The following ALOX5AP variants were observed in gnomAD, a reference collection of about 807,000 sequenced individuals.
ALOX5AP encodes arachidonate 5-lipoxygenase activating protein, also known as arachidonate 5-lipoxygenase-activating protein.
ALOX5AP carries 9 observed loss-of-function variants against 18.5 expected under a neutral mutation model. That is an observed-to-expected ratio of 0.49 (90% CI 0.29 to 0.85). The LOEUF is 0.85. Among genes scored for constraint, ALOX5AP ranks in the 40% least tolerant of loss-of-function variants. ALOX5AP has a pLI of 0.08. For missense variants in ALOX5AP, 172 were observed against 202.5 expected (o/e 0.85, Z 0.91); for synonymous variants, 81 against 78.6 (o/e 1.03, Z -0.16).
chr13:30,718,883 A>C (rs1951571154), intron 1 of ALOX5AP, among the ~76,000 whole-genome samples: 1 of 152,242 alleles, frequency 6.6e-6, no homozygotes, highest in African/African-American at 2.4e-5. Context: ...GAATGTGGGC[A>C]CATGCCTTAC....
intron 4 of ALOX5AP, 70 bp from the exon 5 acceptor site, chr13:30,763,874 A>G: frequency 6.9e-7 from 1 of 1,447,192 alleles, no homozygotes; most frequent in Non-Finnish European, 9.5e-7. Flanking sequence ...AAAAGGGGTA[A>G]CATTTTTGTG....
At chr13:30,750,376 T>G (rs1440204091) in intron 2 of ALOX5AP, among the ~76,000 whole-genome samples, 1 of 152,244 alleles carries the variant, frequency 6.6e-6, no homozygotes, top group Non-Finnish European at 1.5e-5. Context: ...TTTCCCTCCC[T>G]TTTTATGCCT....
At chr13:30,753,218 C>T (rs1272289320) in intron 3 of ALOX5AP, among the ~76,000 whole-genome samples, 49 of 152,316 alleles carry the variant, frequency 3.2e-4, no homozygotes, top group South Asian at 6.2e-4. Flanking sequence ...GGTGAGGCGG[C>T]AGCAGAAACC....
At chr13:30,738,424 C>T (rs1191418593) in intron 1 of ALOX5AP, among the ~76,000 whole-genome samples, 2 of 152,198 alleles carry the variant, frequency 1.3e-5, no homozygotes, top group African/African-American at 4.8e-5. Flanking sequence ...CAAATGGGCT[C>T]ATTGGCCAAT....
intron 2 of ALOX5AP, among the ~76,000 whole-genome samples, chr13:30,751,063 G>T (rs1420286964): frequency 6.6e-6 from 1 of 152,058 alleles, no homozygotes; most frequent in Non-Finnish European, 1.5e-5. Flanking sequence ...CATAGTAAAA[G>T]GGTGTTTTTT....
At position 30,764,169 on chromosome 13, in the gene ALOX5AP, AGCTCTTGAGAGCATTCT is replaced by A; in HGVS notation, c.*70_*86del. The stretch of plus-strand genomic sequence containing the variant: ...CAATACCTACAAGTCATCATAATTC[AGCTCTTGAGAGCATTCT>A]GCTCTTCTTTAGATGGCTGTAAATC... On this transcript the variant is annotated 3_prime_UTR_variant, in exon 5 of 5. Transcript: ENST00000380490. The A allele has an allele frequency of 6.6e-7, 1 of 1,507,828 alleles. No homozygotes were observed. The highest frequency in any genetic ancestry group is 2.3e-5 in the East Asian group (1 of 43,244). 93.4% of individuals were successfully genotyped at this position (1,507,828 alleles called of 1,614,324 possible).
At chr13:30,720,334 A>G (rs1243568946) in intron 1 of ALOX5AP, among the ~76,000 whole-genome samples, 1 of 152,234 alleles carries the variant, frequency 6.6e-6, no homozygotes, top group South Asian at 2.1e-4. Context: ...AAATTGTATT[A>G]TCTCTCAGGA....
At chr13:30,759,869 C>G (rs1951927008) in intron 4 of ALOX5AP, among the ~76,000 whole-genome samples, 2 of 152,234 alleles carry the variant, frequency 1.3e-5, no homozygotes, top group African/African-American at 4.8e-5. Context: ...CCATCCCAGA[C>G]TTATGAATCA....
intron 1 of ALOX5AP, among the ~76,000 whole-genome samples, chr13:30,741,829 C>CTGTTT (rs1156650358): frequency 9.5e-5 from 5 of 52,906 alleles, no homozygotes; most frequent in African/African-American, 1.7e-4. Flanking sequence ...AAATGGTTTT[C>CTGTTT]TGTTTTTTTT....
At chr13:30,737,065 G>A (rs762696338) in intron 1 of ALOX5AP, among the ~76,000 whole-genome samples, 1 of 152,238 alleles carries the variant, frequency 6.6e-6, no homozygotes, top group Non-Finnish European at 1.5e-5. Context: ...GTATGGGTGG[G>A]CAGGTGGCTA....
chr13:30,740,197 C>T (rs777732134), intron 1 of ALOX5AP, among the ~76,000 whole-genome samples: 6 of 152,148 alleles, frequency 3.9e-5, no homozygotes, highest in Non-Finnish European at 8.8e-5. Context: ...GAATAATCTA[C>T]GTATGAGTTA....
At chr13:30,761,276 C>A (rs188500876) in intron 4 of ALOX5AP, among the ~76,000 whole-genome samples, 9 of 152,318 alleles carry the variant, frequency 5.9e-5, no homozygotes, top group Admixed American at 5.9e-4. Flanking sequence ...TGCCCTGAGA[C>A]CTTGGAAAAA....
At chr13:30,721,977 T>G (rs1951597692) in intron 1 of ALOX5AP, among the ~76,000 whole-genome samples, 1 of 152,252 alleles carries the variant, frequency 6.6e-6, no homozygotes, top group African/African-American at 2.4e-5. Context: ...AAGATTGAGA[T>G]AGTTGACTAC....
chr13:30,726,373 G>T (rs905992627), intron 1 of ALOX5AP, among the ~76,000 whole-genome samples: 1 of 152,166 alleles, frequency 6.6e-6, no homozygotes, highest in African/African-American at 2.4e-5. Flanking sequence ...GTACACAGAG[G>T]ACTGATCATG....
intron 1 of ALOX5AP, among the ~76,000 whole-genome samples, chr13:30,716,811 G>T (rs986640113): frequency 1.2e-4 from 19 of 152,210 alleles, no homozygotes; most frequent in Non-Finnish European, 2.4e-4. Flanking sequence ...TTATACTCAT[G>T]GTTGTGATCT....
chr13:30,728,385 A>T (rs943968290), intron 1 of ALOX5AP, among the ~76,000 whole-genome samples: 4 of 152,232 alleles, frequency 2.6e-5, no homozygotes, highest in African/African-American at 9.6e-5. Context: ...ACAAAAATAC[A>T]CTCAGACTGT....
chr13:30,735,061 G>C (rs1226027833), upstream of ALOX5AP, among the ~76,000 whole-genome samples: 1 of 152,136 alleles, frequency 6.6e-6, no homozygotes, highest in Non-Finnish European at 1.5e-5. Flanking sequence ...CCAGGCTGGA[G>C]TGCAGTGGCA....
intron 2 of ALOX5AP, among the ~76,000 whole-genome samples, chr13:30,747,890 G>A (rs1241804930): frequency 6.6e-6 from 1 of 151,966 alleles, no homozygotes; most frequent in Non-Finnish European, 1.5e-5. Context: ...ATCTCTTGGT[G>A]TCCATTCTAG....
At chr13:30,734,617 G>A (rs959049692), upstream of ALOX5AP, among the ~76,000 whole-genome samples, 1 of 152,192 alleles carries the variant, frequency 6.6e-6, no homozygotes, top group East Asian at 1.9e-4. Flanking sequence ...TTCTCAGAAA[G>A]CACAGCCACT....
Sources: gnomAD v4.1 joint callset for allele counts (sites outside exome capture counted in the v4.1 genomes callset) on GRCh38, gnomAD v4.1.1 for gene constraint, MANE v1.5 for transcripts, NCBI Gene and HGNC (gene_info 2026-07-23, HGNC 2026-07-21) for gene names.